Variants in KDM2A observed in about 807,000 individuals in gnomAD.
KDM2A encodes the protein lysine demethylase 2A.
Under a neutral mutation model 137.3 loss-of-function variants are expected in KDM2A, and 3 were observed. The observed-to-expected ratio is 0.02, with a 90% CI of 0.01 to 0.06. The LOEUF is 0.06. Among genes scored for constraint, KDM2A ranks in the 10% least tolerant of loss-of-function variants. The probability of loss-of-function intolerance (pLI) is 1.00; values close to 1 mark genes in which losing one functional copy is unlikely to be tolerated. For missense variants in KDM2A, 738 were observed against 1,510.6 expected, an observed-to-expected ratio of 0.49 and a Z score of 8.48; for synonymous variants, 512 against 541.5, an observed-to-expected ratio of 0.95 and a Z score of 0.76.
intron 4 of KDM2A, 118 bp downstream of exon 4, chr11:67,181,516 T>G: frequency 1.5e-6 from 1 of 682,366 alleles, no homozygotes; most frequent in South Asian, 2.1e-5. Flanking sequence ...ATTTCCCACT[T>G]TGTTTTAAAA....
At chr11:67,162,298 G>A (rs180884392) in intron 2 of KDM2A, among the ~76,000 whole-genome samples, 7 of 152,228 alleles carry the variant, frequency 4.6e-5, no homozygotes, top group Non-Finnish European at 8.8e-5. Flanking sequence ...GTCAGGTAAA[G>A]TTCATTTAAT....
intron 2 of KDM2A, among the ~76,000 whole-genome samples, chr11:67,133,273 G>GT (rs1189424897): frequency 4.7e-4 from 71 of 150,392 alleles, no homozygotes; most frequent in South Asian, 1.5e-3. Context: ...CTAATTTTGT[G>GT]TTTTTTTTTG....
intron 16 of KDM2A, among the ~76,000 whole-genome samples, chr11:67,249,469 C>T (rs1312667220): frequency 2.0e-5 from 3 of 152,186 alleles, no homozygotes; most frequent in Admixed American, 2.0e-4. Context: ...CCTAGTGGAA[C>T]ATGTTTACTG....
chr11:67,226,676 C>T (rs969170873), intron 10 of KDM2A, among the ~76,000 whole-genome samples: 2 of 152,134 alleles, frequency 1.3e-5, no homozygotes, highest in African/African-American at 4.8e-5. Flanking sequence ...GAGCCGAGAT[C>T]GCGCCACTGC....
chr11:67,151,863 A>G (rs888933298), intron 2 of KDM2A, among the ~76,000 whole-genome samples: 3 of 151,644 alleles, frequency 2.0e-5, no homozygotes, highest in Non-Finnish European at 4.4e-5. Flanking sequence ...TCTTACCTCA[A>G]CCTCCTGCGT....
chr11:67,187,529 T>C (rs959524420), intron 5 of KDM2A, among the ~76,000 whole-genome samples: 2 of 151,548 alleles, frequency 1.3e-5, no homozygotes, highest in African/African-American at 4.9e-5. Flanking sequence ...AACAGACATT[T>C]ATTAATTTAT....
Position 67,153,383 on chromosome 11 carries a change from A to G in KDM2A, c.43-26696A>G, listed in dbSNP as rs139141837. On this transcript the variant is annotated intron_variant, in intron 2 of 20. Transcript: ENST00000529006. ...TGGAACCAGGTGTATTCCTCAACCC[A>G]GTTTTTAGACACCCTGGCTCCCAAA... 4.4e-4 allele frequency among the ~76,000 whole-genome samples: 67 copies of G among 152,240 alleles called. No homozygotes were observed. In the East Asian group the frequency reaches 0.012, roughly 28 times the overall value.
In KDM2A at chr11:67,160,519, C is replaced by T. The variant is rs186270568; in HGVS notation, c.43-19560C>T. On this transcript the variant is annotated intron_variant, in intron 2 of 20. Transcript: ENST00000529006. ...CGGGTGCGATGTTCACACCTGTAAT[C>T]CCAGCACTTTGGGAGGCCAAGGTGG... Among the ~76,000 whole-genome samples, 645 of 152,280 alleles carry T rather than the reference C, an allele frequency of 4.2e-3. 5 individuals carry two copies. Among genetic ancestry groups the T allele is most frequent in the Admixed American group, 7.8e-3 (119 of 15,294 alleles).
intron 2 of KDM2A, among the ~76,000 whole-genome samples, chr11:67,144,910 T>C (rs1376983137): frequency 1.3e-5 from 2 of 151,174 alleles, no homozygotes; most frequent in Non-Finnish European, 3.0e-5. Context: ...CGCTCTGTCA[T>C]CCAGGCTGGA....
chr11:67,255,524 C>G lies in KDM2A; in HGVS notation c.*469C>G, dbSNP rs1291181809. On this transcript the variant is annotated 3_prime_UTR_variant, in exon 21 of 21. Coordinates refer to ENST00000529006, the MANE Select transcript of KDM2A (RefSeq NM_012308.3). ...GCGCGTCTCTCCTCCATCACACTCTCCCGGCTTGCGCAGGAGGGGCCAGCA... is the reference window on the plus strand; with the variant it reads ...GCGCGTCTCTCCTCCATCACACTCTGCCGGCTTGCGCAGGAGGGGCCAGCA... 8.8e-6 allele frequency: 4 copies of G among 457,078 alleles called. No homozygotes were observed. Among genetic ancestry groups the G allele is most frequent in the South Asian group, 1.5e-5 (1 of 64,574 alleles). The allele number at this position is 457,078 out of a possible 1,614,324, so 28.3% of individuals were successfully genotyped here. A position where few individuals can be genotyped will look rare whatever the true frequency, so the allele number is the denominator to read the frequency against.
rs753196445 is a variant in KDM2A, at chr11:67,245,757, A to T, written c.1834-228A>T. On this transcript the variant is annotated intron_variant, in intron 14 of 20. Coordinates refer to ENST00000529006, the MANE Select transcript of KDM2A (RefSeq NM_012308.3). This position sits in a 1 kb window ranked among gnomAD's most constrained non-coding sequence, Gnocchi z 4.1. ...TTAGAAAGGACCGGGGAGGCCAAGT[A>T]TAGGCCAACTGAAAATAAACTAGTC... The T allele has an allele frequency of 3.3e-6, 2 of 607,312 alleles. No individual in the cohort carries two copies. Among genetic ancestry groups the T allele is most frequent in the African/African-American group, 1.9e-5 (1 of 54,000 alleles). The allele number at this position is 607,312 out of a possible 1,614,324, so 37.6% of individuals were successfully genotyped here.
At chr11:67,225,559 T>A (rs1022906082) in intron 10 of KDM2A, among the ~76,000 whole-genome samples, 1 of 151,832 alleles carries the variant, frequency 6.6e-6, no homozygotes, top group African/African-American at 2.4e-5. Context: ...TCACCTGACG[T>A]TGGGAGTTCG....
In KDM2A at chr11:67,250,341, A is replaced by C. The variant is rs1247459000; in HGVS notation, c.2311A>C (p.Thr771Pro). Residue 771 changes from threonine to proline, a missense_variant, in exon 17 of 21, where the codon ACC becomes CCC. Around this residue, in one of 9 missense-constraint regions of KDM2A, gnomAD observed 244 missense variants for 324.6 expected, o/e 0.75. Coordinates refer to ENST00000529006, the MANE Select transcript of KDM2A (RefSeq NM_012308.3). The surrounding 1 kb of genome is among the most constrained non-coding windows in gnomAD (Gnocchi z 7.1). ...GCTGCGGCTGCAGGCCACAGAGCGC[A>C]CCATGGTACGGGAAAAGGAGAACAA... is the stretch of plus-strand genomic sequence containing the variant. ...QLLRLQATER[T>P]MVREKENNPS... 2.5e-6 allele frequency: 4 copies of C among 1,613,840 alleles called. No homozygotes were observed. The highest frequency in any genetic ancestry group is 1.3e-5 in the African/African-American group (1 of 74,934).
chr11:67,206,826 A>G (rs1409169182), intron 5 of KDM2A, among the ~76,000 whole-genome samples: 1 of 152,224 alleles, frequency 6.6e-6, no homozygotes, highest in Non-Finnish European at 1.5e-5. Context: ...TTGTGGCCTT[A>G]TGCGTTTTGT....
intron 2 of KDM2A, 81 bp from the exon 3 acceptor site, chr11:67,179,998 A>G (rs1378775807): frequency 2.8e-6 from 4 of 1,408,098 alleles, no homozygotes; most frequent in Non-Finnish European, 3.9e-6. Flanking sequence ...AGCACTTTGC[A>G]CATGTAGGGA....
chr11:67,132,656 C>T (rs779077110), intron 2 of KDM2A, among the ~76,000 whole-genome samples: 41 of 152,058 alleles, frequency 2.7e-4, no homozygotes, highest in African/African-American at 9.4e-4. Context: ...AGTTTCAGGT[C>T]GGGGTGGTCT....
At position 67,234,553 on chromosome 11, in the gene KDM2A, G is replaced by A. The variant is rs944331593; in HGVS notation, c.1479+2593G>A. Among the ~76,000 whole-genome samples, 14 of 152,322 alleles carry A rather than the reference G, an allele frequency of 9.2e-5. 1 individual carries two copies. The highest frequency in any genetic ancestry group is 7.8e-4 in the Admixed American group (12 of 15,292). ...GAATATAGAGTTGGAAGAGGATTAA[G>A]TGAAAAAATAGGACATTAAAAAGTA... is the stretch of plus-strand genomic sequence containing the variant. On this transcript the variant is annotated intron_variant, in intron 12 of 20. Transcript: ENST00000529006.
At chr11:67,131,289 A>T (rs1855848222) in intron 2 of KDM2A, among the ~76,000 whole-genome samples, 1 of 151,576 alleles carries the variant, frequency 6.6e-6, no homozygotes. Flanking sequence ...TCACCGTCGC[A>T]CTCCAGCCTG....
intron 2 of KDM2A, among the ~76,000 whole-genome samples, chr11:67,146,055 G>A (rs866665321): frequency 2.0e-5 from 3 of 148,412 alleles, no homozygotes; most frequent in Non-Finnish European, 4.5e-5. Context: ...GCAGTGGCGC[G>A]ATCTCAGCTC....
Sources: gnomAD v4.1 joint callset for allele counts (sites outside exome capture counted in the v4.1 genomes callset) on GRCh38, gnomAD v4.1.1 for gene constraint, gnomAD v4.1.1 regional missense constraint, Gnocchi (gnomAD v3.1) non-coding constraint, MANE v1.5 for transcripts, NCBI Gene and HGNC (gene_info 2026-07-23, HGNC 2026-07-21) for gene names.